The following PPARGC1B variants were observed in gnomAD, a reference collection of about 807,000 sequenced individuals.
PPARGC1B encodes PPARG coactivator 1 beta, also known as peroxisome proliferator-activated receptor gamma coactivator 1-beta.
Under a neutral mutation model 101.6 loss-of-function variants are expected in PPARGC1B, and 34 were observed. The ratio of observed to expected loss-of-function variants is 0.33; its 90% CI spans 0.25 to 0.45. The LOEUF (loss-of-function observed/expected upper bound fraction) is 0.45, where lower values mean the gene tolerates loss of function less well. Ranked by LOEUF, PPARGC1B falls within the 20% of genes least tolerant of loss-of-function variation. The probability of loss-of-function intolerance (pLI) is 1.00; values close to 1 mark genes in which losing one functional copy is unlikely to be tolerated. For synonymous variants in PPARGC1B, 548 were observed against 539.3 expected (o/e 1.02, Z -0.22); for missense variants, 1,234 against 1,317.6 (o/e 0.94, Z 0.98).
chr5:149,753,689 A>G (rs948462145), intron 1 of PPARGC1B, among the ~76,000 whole-genome samples: 3 of 151,598 alleles, frequency 2.0e-5, no homozygotes, highest in African/African-American at 7.3e-5. Flanking sequence ...TTGTGTATTT[A>G]TTTATTTAGT....
intron 1 of PPARGC1B, among the ~76,000 whole-genome samples, chr5:149,779,804 T>C (rs1175020979): frequency 6.6e-6 from 1 of 152,152 alleles, no homozygotes; most frequent in Non-Finnish European, 1.5e-5. Flanking sequence ...TGCCTGTGCC[T>C]TCCCACGACA....
chr5:149,831,446 G>A (rs1303475019), intron 4 of PPARGC1B, among the ~76,000 whole-genome samples: 1 of 152,192 alleles, frequency 6.6e-6, no homozygotes, highest in African/African-American at 2.4e-5. Flanking sequence ...CCTGGGAACT[G>A]TTGCATCCAA....
At chr5:149,732,934 G>A (rs374475832) in intron 1 of PPARGC1B, 28 of 373,218 alleles carry the variant, frequency 7.5e-5, no homozygotes, top group African/African-American at 4.8e-4. Context: ...TGACCCCGGA[G>A]CAAGCCATTT....
chr5:149,830,039 A>G (rs1274317414), intron 3 of PPARGC1B, among the ~76,000 whole-genome samples: 3 of 125,108 alleles, frequency 2.4e-5, no homozygotes, highest in Non-Finnish European at 5.1e-5. Flanking sequence ...TCAAAAAAAA[A>G]AAAAAAAAAA....
intron 1 of PPARGC1B, among the ~76,000 whole-genome samples, chr5:149,746,891 ATCT>A (rs1177905483): frequency 3.3e-5 from 5 of 152,150 alleles, no homozygotes; most frequent in Admixed American, 6.5e-5. Flanking sequence ...CCATTTGCAT[ATCT>A]TCTTTAGATA....
chr5:149,836,529 C>A lies in PPARGC1B; in HGVS notation c.2074C>A (p.His692Asn). Reference sequence around the variant, plus strand: ...TCCCTTCTCCTGTTCCTTTGGAGACCATGACTACTGCCAGGTGCTCCGACC... The same window carrying A: ...TCCCTTCTCCTGTTCCTTTGGAGACAATGACTACTGCCAGGTGCTCCGACC... ...KRPFSCSFGD[H>N]DYCQVLRPEG... The change falls in exon 8 of 12, where the codon CAT (histidine) becomes AAT (asparagine). Residue 692 changes from histidine to asparagine, a missense_variant. His to Asn is a moderately conservative substitution (Grantham distance 68). Coordinates refer to ENST00000309241, the MANE Select transcript of PPARGC1B (RefSeq NM_133263.4). 2 of 1,614,042 alleles carry A rather than the reference C, an allele frequency of 1.2e-6. No homozygotes were observed. The highest frequency in any genetic ancestry group is 1.7e-6 in the Non-Finnish European group (2 of 1,180,044).
intron 2 of PPARGC1B, 74 bp downstream of exon 2, chr5:149,820,680 C>A: frequency 7.0e-7 from 1 of 1,426,334 alleles, no homozygotes; most frequent in Non-Finnish European, 9.6e-7. Context: ...CTCTGCCCTG[C>A]TCTGCCTTCT....
At chr5:149,756,800 C>G (rs539785374) in intron 1 of PPARGC1B, among the ~76,000 whole-genome samples, 1 of 152,278 alleles carries the variant, frequency 6.6e-6, no homozygotes, top group African/African-American at 2.4e-5. Context: ...GACTGGCCCT[C>G]GAGCAGAGGT....
rs773687355 is a variant in PPARGC1B, at chr5:149,833,244, G to C, written c.1171G>C (p.Val391Leu). The C allele has an allele frequency of 5.6e-6, 9 of 1,613,250 alleles. No individual in the cohort carries two copies. Among genetic ancestry groups the C allele is most frequent in the Non-Finnish European group, 1.7e-6 (2 of 1,180,016 alleles). ...SQASPGRPSSVEEVRIAASPK... is the reference protein window; with the variant it reads ...SQASPGRPSSLEEVRIAASPK... ...GGCCTCCCCTGGTCGCCCGTCCTCG[G>C]TGGAGGAGGTAAGGATCGCAGCTTC... Residue 391 changes from valine (V) to leucine (L), a missense_variant, in exon 5 of 12, where the codon GTG becomes CTG. Physicochemically the swap from Val to Leu is conservative, Grantham distance 32. Around this residue, in one of 3 missense-constraint regions of PPARGC1B, gnomAD observed 734 missense variants for 768.4 expected, o/e 0.96. Transcript: ENST00000309241. The surrounding 1 kb of genome is among the most constrained non-coding windows in gnomAD (Gnocchi z 4.1).
intron 1 of PPARGC1B, among the ~76,000 whole-genome samples, chr5:149,737,947 T>A (rs1754784852): frequency 6.6e-6 from 1 of 152,124 alleles, no homozygotes; most frequent in African/African-American, 2.4e-5. Context: ...TGAGCCAGGA[T>A]CACACTACTA....
At chr5:149,805,532 C>T (rs1196415664) in intron 1 of PPARGC1B, among the ~76,000 whole-genome samples, 10 of 152,196 alleles carry the variant, frequency 6.6e-5, no homozygotes, top group East Asian at 3.9e-4. Flanking sequence ...CTCTGCCTCC[C>T]GGGTTCAAGC....
chr5:149,833,058 T>C lies in PPARGC1B; in HGVS notation c.985T>C (p.Ser329Pro), dbSNP rs1026084938. 3.1e-6 allele frequency: 5 copies of C among 1,613,608 alleles called. No homozygotes were observed. The African/African-American group carries it at 6.7e-5, about 22-fold the overall frequency. The change falls in exon 5 of 12, where the codon TCC (serine) becomes CCC (proline). Residue 329 changes from serine (S) to proline (P), a missense_variant. By Grantham distance (74) the Ser-to-Pro change is moderately conservative. Coordinates refer to ENST00000309241, the MANE Select transcript of PPARGC1B (RefSeq NM_133263.4). The surrounding 1 kb of genome is among the most constrained non-coding windows in gnomAD (Gnocchi z 4.1). ...PSQQVRSRPW[S>P]RHHSKASWAE... Reference sequence around the variant, plus strand: ...CCAGCAGGTCAGATCCCGGCCCTGGTCCCGGCACCACTCCAAAGCCTCCTG... The same window carrying C: ...CCAGCAGGTCAGATCCCGGCCCTGGCCCCGGCACCACTCCAAAGCCTCCTG...
At chr5:149,809,440 C>CATAGATAG (rs200668984) in intron 1 of PPARGC1B, among the ~76,000 whole-genome samples, 1 of 82,896 alleles carries the variant, frequency 1.2e-5, no homozygotes, top group African/African-American at 4.3e-5. Flanking sequence ...CCATCTCTAC[C>CATAGATAG]ATAGATAGAT....
rs530391448 is a variant in PPARGC1B at position 149,851,470 on chromosome 5, T to A, written c.*3912T>A. The A allele has an allele frequency of 6.6e-6, 1 of 152,318 alleles. No homozygotes were observed. The highest frequency in any genetic ancestry group is 1.9e-4 in the East Asian group (1 of 5,186). 9.4% of individuals were successfully genotyped at this position (152,318 alleles called of 1,614,324 possible). A position where few individuals can be genotyped will look rare whatever the true frequency, so the allele number is the denominator to read the frequency against. ...TGATCTGACTCACTGATGTCAAAAT[T>A]GCAGTATTTTTTTAGCATTTGAGAT... On this transcript the variant is annotated 3_prime_UTR_variant, in exon 12 of 12. Transcript: ENST00000309241.
At chr5:149,803,175 G>A (rs1287309010) in intron 1 of PPARGC1B, among the ~76,000 whole-genome samples, 1 of 152,182 alleles carries the variant, frequency 6.6e-6, no homozygotes, top group African/African-American at 2.4e-5. Context: ...GAAGTAGAGG[G>A]ACTTGTCCCA....
chr5:149,813,922 G>GT (rs1352149170), intron 1 of PPARGC1B, among the ~76,000 whole-genome samples: 2 of 152,188 alleles, frequency 1.3e-5, no homozygotes, highest in Non-Finnish European at 2.9e-5. Flanking sequence ...ACTTGGGTCT[G>GT]TTTTATAAGG....
intron 1 of PPARGC1B, among the ~76,000 whole-genome samples, chr5:149,815,826 T>C (rs251467): frequency 0.43 from 65,972 of 152,114 alleles, 15,867 homozygotes; most frequent in African/African-American, 0.64. Context: ...GGATTACAGG[T>C]GTGAGCCACC....
intron 1 of PPARGC1B, among the ~76,000 whole-genome samples, chr5:149,776,636 G>C (rs981334640): frequency 3.9e-5 from 6 of 152,190 alleles, no homozygotes; most frequent in African/African-American, 1.4e-4. Context: ...GTTGGTGTCA[G>C]CTGCAGCTAG....
chr5:149,846,914 CT>C (rs1361596681), intron 11 of PPARGC1B: 1 of 166,134 alleles, frequency 6.0e-6, no homozygotes, highest in Non-Finnish European at 1.3e-5. Context: ...GTGAAACCCC[CT>C]CTCTATTAAA....
Sources: gnomAD v4.1 joint callset for allele counts (sites outside exome capture counted in the v4.1 genomes callset) on GRCh38, gnomAD v4.1.1 for gene constraint, gnomAD v4.1.1 regional missense constraint, Gnocchi (gnomAD v3.1) non-coding constraint, MANE v1.5 for transcripts, NCBI Gene and HGNC (gene_info 2026-07-23, HGNC 2026-07-21) for gene names.